Variants in DNASE1 observed in about 807,000 individuals in gnomAD.
DNASE1 encodes the protein deoxyribonuclease 1.
DNASE1 carries 40 observed loss-of-function variants against 33.9 expected under a neutral mutation model. The observed-to-expected ratio is 1.18, with a 90% CI of 0.92 to 1.54. The LOEUF is 1.54. DNASE1 is among the 40% of genes most tolerant of loss of function. The pLI is 0.00. For missense variants in DNASE1, 518 were observed against 372.6 expected, an observed-to-expected ratio of 1.39 and a Z score of -3.21; for synonymous variants, 216 against 160.0, an observed-to-expected ratio of 1.35 and a Z score of -2.64.
intron 1 of DNASE1, among the ~76,000 whole-genome samples, chr16:3,630,595 T>G (rs770333642): frequency 6.6e-6 from 1 of 152,214 alleles, no homozygotes; most frequent in Non-Finnish European, 1.5e-5. Context: ...ATAATGTCCT[T>G]TTTTAATCTT....
chr16:3,657,663 C>T, intron 7 of DNASE1, 57 bp from the exon 8 acceptor site: 1 of 1,605,846 alleles, frequency 6.2e-7, no homozygotes, highest in Admixed American at 1.7e-5. Context: ...CCTGCGGGTG[C>T]TGAGCCAGGC....
At chr16:3,624,304 C>A (rs563536264) in intron 1 of DNASE1, among the ~76,000 whole-genome samples, 1 of 151,484 alleles carries the variant, frequency 6.6e-6, no homozygotes, top group South Asian at 2.1e-4. Context: ...CTTTTGTGTC[C>A]TTGGTTAGCA....
chr16:3,634,809 C>G (rs563011438), intron 1 of DNASE1, among the ~76,000 whole-genome samples: 104 of 152,042 alleles, frequency 6.8e-4, no homozygotes, highest in South Asian at 1.2e-3. Flanking sequence ...AGCCATTGTA[C>G]CCAGCTTTTA....
At chr16:3,617,794 T>TA (rs1491117216) in intron 1 of DNASE1, among the ~76,000 whole-genome samples, 2 of 151,920 alleles carry the variant, frequency 1.3e-5, no homozygotes, top group East Asian at 1.9e-4. Flanking sequence ...AAAATTTTTT[T>TA]AAAAAAAGAA....
chr16:3,633,217 A>G (rs1193804755), intron 1 of DNASE1, among the ~76,000 whole-genome samples: 1 of 151,388 alleles, frequency 6.6e-6, no homozygotes, highest in Non-Finnish European at 1.5e-5. Flanking sequence ...TTGGTCTTCC[A>G]CTCTTTTTCT....
rs527385892 is a variant in DNASE1 at position 3,612,481 on chromosome 16, C to T, written c.-1359+475C>T. On this transcript the variant is annotated intron_variant and NMD_transcript_variant, in intron 1 of 11. Transcript: ENST00000570769. ...GCCCAGGCTGGTCTCCAACTCCTGA[C>T]CTCAGGTGATCCGCCCGCCTCGGCC... Among the ~76,000 whole-genome samples, 4 of 151,706 alleles carry T rather than the reference C, an allele frequency of 2.6e-5. No homozygotes were observed. In the South Asian group the frequency reaches 8.3e-4, roughly 32 times the overall value.
At chr16:3,636,859 C>T (rs1200767148) in intron 1 of DNASE1, among the ~76,000 whole-genome samples, 1 of 152,064 alleles carries the variant, frequency 6.6e-6, no homozygotes, top group Non-Finnish European at 1.5e-5. Flanking sequence ...CACAGTGGCT[C>T]ATGCCTGTAA....
downstream of DNASE1, chr16:3,658,321 C>A: frequency 9.4e-7 from 1 of 1,063,114 alleles, no homozygotes; most frequent in Non-Finnish European, 1.4e-6. Flanking sequence ...GTTGCCGAGG[C>A]TGGAGTGCAG....
At chr16:3,624,106 G>A (rs974106026) in intron 1 of DNASE1, among the ~76,000 whole-genome samples, 4 of 151,856 alleles carry the variant, frequency 2.6e-5, no homozygotes, top group African/African-American at 9.7e-5. Context: ...GTGAAACCCC[G>A]TCTCTACTAA....
downstream of DNASE1, chr16:3,659,756 G>T (rs2042957934): frequency 7.6e-6 from 1 of 131,200 alleles, no homozygotes; most frequent in Non-Finnish European, 1.8e-5. Context: ...TTTTTAGATA[G>T]ATAGATAGAT....
chr16:3,630,184 G>T (rs1213264837), intron 1 of DNASE1, among the ~76,000 whole-genome samples: 2 of 151,722 alleles, frequency 1.3e-5, no homozygotes, highest in Non-Finnish European at 2.9e-5. Context: ...TGTTGTTTTT[G>T]TTGTTGTTGT....
At position 3,655,841 on chromosome 16, in the gene DNASE1, G is replaced by C; in HGVS notation, c.148-8G>C. 1 of 1,613,120 alleles carries C rather than the reference G, an allele frequency of 6.2e-7. No individual in the cohort carries two copies. The highest frequency in any genetic ancestry group is 8.5e-7 in the Non-Finnish European group (1 of 1,179,752). On this transcript the variant is annotated splice_polypyrimidine_tract_variant and splice_region_variant and intron_variant, in intron 2 of 8. Coordinates refer to ENST00000246949, the MANE Select transcript of DNASE1 (RefSeq NM_005223.4). The stretch of plus-strand genomic sequence containing the variant: ...CCCTGCTCAGCACCACTGTGGCCCT[G>C]CCCCCAGATCCTGAGCCGCTATGAC...
chr16:3,611,916 A>G (rs1215647319), exon 1 of DNASE1: 1 of 152,370 alleles, frequency 6.6e-6, no homozygotes, highest in African/African-American at 2.4e-5. Flanking sequence ...CCCTCTGGGC[A>G]TACCTGCCTG....
chr16:3,655,294 T>A, intron 1 of DNASE1, 79 bp from the exon 2 acceptor site: 3 of 1,591,252 alleles, frequency 1.9e-6, no homozygotes, highest in African/African-American at 2.7e-5. Flanking sequence ...CCCTGCCAGC[T>A]GGGCTCCAGA....
At chr16:3,639,179 C>G (rs2041960798), upstream of DNASE1, among the ~76,000 whole-genome samples, 1 of 152,218 alleles carries the variant, frequency 6.6e-6, no homozygotes, top group East Asian at 1.9e-4. Flanking sequence ...TTCATTGCCA[C>G]TTGTGATACT....
At chr16:3,664,090 C>A (rs544107364) in exon 10 of DNASE1, 8 of 613,908 alleles carry the variant, frequency 1.3e-5, no homozygotes, top group African/African-American at 7.6e-5. Context: ...ACAAAAAAAA[C>A]CACATGTGAC....
exon 10 of DNASE1, chr16:3,663,145 G>A (rs1327976468): frequency 7.5e-6 from 5 of 663,654 alleles, no homozygotes; most frequent in Non-Finnish European, 1.3e-5. Context: ...GTTGCCTGAG[G>A]CCCATACAAC....
At chr16:3,634,201 T>G (rs1217326742) in intron 1 of DNASE1, among the ~76,000 whole-genome samples, 1 of 151,790 alleles carries the variant, frequency 6.6e-6, no homozygotes, top group Non-Finnish European at 1.5e-5. Context: ...TTTGTTTTTG[T>G]TTTTGTTGTC....
chr16:3,657,200 TG>T lies in DNASE1; in HGVS notation c.566del (p.Gly189AlafsTer10). On this transcript the variant is annotated frameshift_variant, in exon 7 of 9. Transcript: ENST00000246949. LOFTEE classifies it high-confidence loss of function. Reference protein sequence around the residue: ...EKWGLEDVMLMGDFNAGCSYV... With the variant: ...EKWGLEDVMLXGDFNAGCSYV... ...GTTTCCTGGTAGGACGTCATGTTGA[TG>T]GGCGACTTCAATGCGGGCTGCAGCT... The T allele has an allele frequency of 6.2e-7, 1 of 1,614,080 alleles. No homozygotes were observed. The highest frequency in any genetic ancestry group is 8.5e-7 in the Non-Finnish European group (1 of 1,180,014).
Sources: allele counts gnomAD v4.1 joint callset (sites outside exome capture counted in the v4.1 genomes callset), GRCh38; gene constraint gnomAD v4.1.1; transcripts MANE v1.5; gene names NCBI Gene and HGNC (gene_info 2026-07-23, HGNC 2026-07-21).